The following ZNF521 variants were observed in gnomAD, a reference collection of about 807,000 sequenced individuals.
The protein encoded by ZNF521 is LYST-interacting protein 3.
A neutral mutation model predicts 105.5 loss-of-function variants in ZNF521; 14 were observed. The observed-to-expected ratio is 0.13, with a 90% confidence interval of 0.09 to 0.21. The LOEUF (loss-of-function observed/expected upper bound fraction) is 0.21, where lower values mean the gene tolerates loss of function less well. ZNF521 is among the 10% of genes least tolerant of loss of function. The pLI, the probability that ZNF521 is intolerant of heterozygous loss-of-function variation, is 1.00. For missense variants in ZNF521, 1,233 were observed against 1,629.7 expected (o/e 0.76, Z 4.19); for synonymous variants, 635 against 606.0 (o/e 1.05, Z -0.70).
chr18:25,347,410 TTTGAA>T lies in ZNF521; in HGVS notation c.40+3492_40+3496del, dbSNP rs1914512532. Among the ~76,000 whole-genome samples the T allele has an allele frequency of 3.3e-5, 5 of 152,222 alleles. No individual in the cohort carries two copies. The South Asian group carries it at 1.0e-3, about 32-fold the overall frequency. ...GCTGATAGAATTTTGATGCTAGGGC[TTTGAA>T]AGGCAGGAGGGGTAAAGGAGTTCCA... On this transcript the variant is annotated intron_variant, in intron 2 of 7. Coordinates refer to ENST00000361524, the MANE Select transcript of ZNF521 (RefSeq NM_015461.3).
chr18:25,216,176 C>T (rs987386573), intron 4 of ZNF521, among the ~76,000 whole-genome samples: 1 of 151,980 alleles, frequency 6.6e-6, no homozygotes, highest in Non-Finnish European at 1.5e-5. Flanking sequence ...ATGAACAGAA[C>T]AATACAAAAC....
At chr18:25,157,328 A>G (rs891979663) in intron 5 of ZNF521, among the ~76,000 whole-genome samples, 7 of 152,226 alleles carry the variant, frequency 4.6e-5, no homozygotes, top group East Asian at 1.9e-4. Flanking sequence ...AAAAAAGTCT[A>G]CGATTTAGTG....
chr18:25,332,331 T>C (rs1913621168), intron 2 of ZNF521, among the ~76,000 whole-genome samples: 2 of 126,000 alleles, frequency 1.6e-5, no homozygotes, highest in South Asian at 5.0e-4. Flanking sequence ...CAAATTTGTA[T>C]AATGAAAGAT....
chr18:25,272,025 G>A (rs1460230315), intron 3 of ZNF521, among the ~76,000 whole-genome samples: 1 of 152,066 alleles, frequency 6.6e-6, no homozygotes, highest in African/African-American at 2.4e-5. Context: ...CTGACAAAGT[G>A]CTAATATCCT....
At chr18:25,316,655 C>T (rs1912635791) in intron 3 of ZNF521, among the ~76,000 whole-genome samples, 1 of 152,172 alleles carries the variant, frequency 6.6e-6, no homozygotes, top group East Asian at 1.9e-4. Flanking sequence ...ACCATTAACA[C>T]CTTCAACAAA....
intron 5 of ZNF521, among the ~76,000 whole-genome samples, chr18:25,133,403 T>C (rs528257244): frequency 2.3e-4 from 35 of 152,164 alleles, no homozygotes; most frequent in Non-Finnish European, 4.9e-4. Context: ...GATTTGGCAA[T>C]GATGTAATTT....
chr18:25,188,159 T>C (rs1374089880), intron 5 of ZNF521, among the ~76,000 whole-genome samples: 3 of 152,140 alleles, frequency 2.0e-5, no homozygotes, highest in African/African-American at 7.2e-5. Context: ...ACAGCAAATG[T>C]GTACCCCTCC....
At chr18:25,328,393 G>A (rs1335747589) in intron 2 of ZNF521, among the ~76,000 whole-genome samples, 1 of 136,712 alleles carries the variant, frequency 7.3e-6, no homozygotes, top group Non-Finnish European at 1.5e-5. Context: ...TTAGCCTTAG[G>A]GGAGGTTAAA....
intron 5 of ZNF521, among the ~76,000 whole-genome samples, chr18:25,107,282 T>C (rs1480144744): frequency 6.6e-6 from 1 of 152,258 alleles, no homozygotes; most frequent in African/African-American, 2.4e-5. Context: ...ATGTGAGTTA[T>C]TCTTGTTATT....
intron 5 of ZNF521, among the ~76,000 whole-genome samples, chr18:25,185,879 T>C (rs998008051): frequency 5.2e-4 from 79 of 152,316 alleles, no homozygotes; most frequent in African/African-American, 1.7e-3. Flanking sequence ...AAAACATCCT[T>C]TGAGAGTGTA....
intron 5 of ZNF521, among the ~76,000 whole-genome samples, chr18:25,133,185 T>C (rs1316886641): frequency 1.3e-5 from 2 of 152,208 alleles, no homozygotes; most frequent in Non-Finnish European, 2.9e-5. Context: ...TCTACCAGTA[T>C]TGTCAAATGC....
At position 25,224,521 on chromosome 18, in the gene ZNF521, C is replaced by A. The variant is rs1008495574; in HGVS notation, c.3397G>T (p.Val1133Leu). 3.7e-6 allele frequency: 6 copies of A among 1,614,070 alleles called. No individual in the cohort carries two copies. The highest frequency in any genetic ancestry group is 5.1e-6 in the Non-Finnish European group (6 of 1,179,988). Residue 1133 changes from valine (V) to leucine (L), a missense_variant, in exon 4 of 8, where the codon GTG becomes TTG. Physicochemically the swap from Val to Leu is conservative, Grantham distance 32 (BLOSUM62 1). Transcript: ENST00000361524. ...NLSAIEGKGK[V>L]GGLKTRCSSC... ...GAGCAGCGTGTCTTCAGTCCCCCCA[C>A]CTTGCCTTTCCCCTCAATGGCACTC...
chr18:25,290,310 T>C (rs1455203964), intron 3 of ZNF521, among the ~76,000 whole-genome samples: 1 of 152,160 alleles, frequency 6.6e-6, no homozygotes, highest in East Asian at 1.9e-4. Flanking sequence ...TATACTTTAC[T>C]CCCCAAAATT....
intron 5 of ZNF521, among the ~76,000 whole-genome samples, chr18:25,100,681 TA>T (rs796410464): frequency 0.017 from 2,401 of 142,612 alleles, 47 homozygotes; most frequent in African/African-American, 0.053. Context: ...CTTGAAGAAT[TA>T]AAAAAAAAAA....
chr18:25,080,231 T>C (rs1393658674), intron 7 of ZNF521, among the ~76,000 whole-genome samples: 1 of 152,240 alleles, frequency 6.6e-6, no homozygotes, highest in Non-Finnish European at 1.5e-5. Flanking sequence ...AGGAGACCTG[T>C]TATTTTAGGC....
chr18:25,074,711 C>A (rs2033317958), intron 7 of ZNF521, among the ~76,000 whole-genome samples: 1 of 152,108 alleles, frequency 6.6e-6, no homozygotes, highest in South Asian at 2.1e-4. Flanking sequence ...CTCTACCCTG[C>A]CAAGAAGAGC....
At chr18:25,327,800 T>C in intron 2 of ZNF521, 1 of 423,622 alleles carries the variant, frequency 2.4e-6, no homozygotes, top group South Asian at 1.8e-5. Context: ...CAGCCGTCTG[T>C]CCCGCACTCG....
chr18:25,079,679 C>A (rs538047302), intron 7 of ZNF521, among the ~76,000 whole-genome samples: 2 of 150,024 alleles, frequency 1.3e-5, no homozygotes, highest in African/African-American at 4.9e-5. Context: ...GTGGGGGGGA[C>A]GCAGGGTGCT....
chr18:25,116,917 ATC>A (rs1375075579), intron 5 of ZNF521, among the ~76,000 whole-genome samples: 15 of 139,696 alleles, frequency 1.1e-4, no homozygotes, highest in East Asian at 4.1e-4. Flanking sequence ...ATATACGTAT[ATC>A]TATGTATATA....
Sources: gnomAD v4.1 joint callset for allele counts (sites outside exome capture counted in the v4.1 genomes callset) on GRCh38, gnomAD v4.1.1 for gene constraint, MANE v1.5 for transcripts, NCBI Gene and HGNC (gene_info 2026-07-23, HGNC 2026-07-21) for gene names.